Variants in LOXHD1 observed in about 807,000 individuals in gnomAD.
LOXHD1 encodes lipoxygenase homology PLAT domains 1, also known as lipoxygenase homology domain-containing protein 1.
In LOXHD1, 205 loss-of-function variants were observed where a neutral mutation model predicts 248.2. The observed-to-expected ratio is 0.83, with a 90% confidence interval of 0.74 to 0.93. The LOEUF is 0.93. LOXHD1 is among the 40% of genes least tolerant of loss of function. The pLI is 0.00. For missense variants in LOXHD1, 2,930 were observed against 2,971.6 expected (o/e 0.99, Z 0.33); for synonymous variants, 1,113 against 1,162.8 (o/e 0.96, Z 0.87).
At chr18:46,587,300 G>A (rs1425508956) in intron 12 of LOXHD1, among the ~76,000 whole-genome samples, 3 of 152,230 alleles carry the variant, frequency 2.0e-5, no homozygotes, top group Non-Finnish European at 2.9e-5. Context: ...ACATGACACA[G>A]CAGGGAAGGA....
chr18:46,549,787 AT>A (rs1330895524), intron 21 of LOXHD1, among the ~76,000 whole-genome samples: 1 of 152,244 alleles, frequency 6.6e-6, no homozygotes, highest in African/African-American at 2.4e-5. Flanking sequence ...TCTGTCTTTA[AT>A]TATTAAGGAT....
rs1261331072 is a variant in LOXHD1 at position 46,547,207 on chromosome 18, C to A, written c.3351-149G>T. ...AGCATTGCCCTGCTATTCTACCCAG[C>A]CTGGGAATCACTCCATTAGTCATTT... On this transcript the variant is annotated intron_variant, in intron 21 of 40. Transcript: ENST00000642948. 6.6e-6 allele frequency: 6 copies of A among 913,932 alleles called. No homozygotes were observed. The Admixed American group carries it at 6.6e-5, about 10-fold the overall frequency. The allele number at this position is 913,932 out of a possible 1,614,324, so 56.6% of individuals were successfully genotyped here. A position where few individuals can be genotyped will look rare whatever the true frequency, so the allele number is the denominator to read the frequency against.
intron 37 of LOXHD1, among the ~76,000 whole-genome samples, chr18:46,501,631 T>C (rs1391541254): frequency 2.0e-5 from 3 of 152,204 alleles, no homozygotes; most frequent in Admixed American, 1.3e-4. Flanking sequence ...AGGTTATCTA[T>C]TGATCAGTTG....
chr18:46,541,848 T>C lies in LOXHD1; in HGVS notation c.3841A>G (p.Lys1281Glu). ...ATGATGGACCCGTCGTCTTCGTTTT[T>C]GGCCAGCCAGCGGCCACAGGGAAAC... ...MTFPCGRWLA[K>E]NEDDGSIIRD... is the part of the protein sequence containing the mutation. The change falls in exon 25 of 41, where the codon AAA becomes GAA. Residue 1281 changes from lysine (K) to glutamate (E), a missense_variant. Lys to Glu is a moderately conservative substitution (Grantham distance 56). Coordinates refer to ENST00000642948, the MANE Select transcript of LOXHD1 (RefSeq NM_001384474.1). The C allele has an allele frequency of 1.3e-6, 2 of 1,551,728 alleles. No individual in the cohort carries two copies. The highest frequency in any genetic ancestry group is 1.7e-6 in the Non-Finnish European group (2 of 1,147,014).
At chr18:46,523,274 C>T (rs1191909203) in intron 31 of LOXHD1, among the ~76,000 whole-genome samples, 1 of 152,160 alleles carries the variant, frequency 6.6e-6, no homozygotes, top group Non-Finnish European at 1.5e-5. Flanking sequence ...AGGTCTGACT[C>T]AACTGGGAGG....
chr18:46,546,847 C>A, intron 22 of LOXHD1, 48 bp downstream of exon 22: 2 of 1,521,210 alleles, frequency 1.3e-6, no homozygotes, highest in South Asian at 1.3e-5. Context: ...TAGGGAGAGG[C>A]AGAGGGGAGG....
At chr18:46,595,762 G>A (rs968078531) in intron 8 of LOXHD1, among the ~76,000 whole-genome samples, 12 of 152,186 alleles carry the variant, frequency 7.9e-5, no homozygotes, top group African/African-American at 2.9e-4. Flanking sequence ...GAGGGCACAG[G>A]AGGGTATAAT....
chr18:46,643,852 AT>A (rs969070170), intron 2 of LOXHD1, among the ~76,000 whole-genome samples: 2 of 152,226 alleles, frequency 1.3e-5, no homozygotes, highest in African/African-American at 2.4e-5. Flanking sequence ...GTAAAAAAAA[AT>A]ACTTAATGAA....
intron 13 of LOXHD1, among the ~76,000 whole-genome samples, chr18:46,578,938 G>A (rs1276049739): frequency 6.6e-6 from 1 of 152,210 alleles, no homozygotes; most frequent in Non-Finnish European, 1.5e-5. Flanking sequence ...CCTCAAACTT[G>A]CCTAGCTCTT....
chr18:46,646,792 T>A (rs2039036273), intron 2 of LOXHD1, among the ~76,000 whole-genome samples: 2 of 152,258 alleles, frequency 1.3e-5, no homozygotes, highest in South Asian at 4.1e-4. Context: ...ATTAAGTGTC[T>A]GTCCCTTTAA....
intron 31 of LOXHD1, among the ~76,000 whole-genome samples, chr18:46,524,220 T>C (rs934059872): frequency 3.9e-5 from 6 of 152,228 alleles, no homozygotes; most frequent in African/African-American, 1.4e-4. Flanking sequence ...GTAAGGGATG[T>C]TCATTCTCAC....
At position 46,566,296 on chromosome 18, in the gene LOXHD1, C is replaced by T; in HGVS notation, c.2398G>A (p.Val800Met). ...DKNQADGRLE[V>M]ELYPSEVVEI... ...ACCACCTCGCTGGGATACAGCTCCA[C>T]CTCCAGGCGCCCGTCAGCCTGGTTC... Residue 800 changes from valine to methionine, a missense_variant, in exon 17 of 41, where the codon GTG (valine) becomes ATG (methionine). Val to Met is a conservative substitution (Grantham distance 21). Coordinates refer to ENST00000642948, the MANE Select transcript of LOXHD1 (RefSeq NM_001384474.1). 6.4e-7 allele frequency: 1 copy of T among 1,551,842 alleles called. No individual in the cohort carries two copies. The highest frequency in any genetic ancestry group is 1.2e-5 in the South Asian group (1 of 84,058).
At chr18:46,485,929 T>C (rs1214259696) in intron 38 of LOXHD1, among the ~76,000 whole-genome samples, 1 of 151,930 alleles carries the variant, frequency 6.6e-6, no homozygotes, top group Admixed American at 6.6e-5. Flanking sequence ...TCCCTAGAGC[T>C]CTGCAATGCT....
chr18:46,577,853 A>G lies in LOXHD1; in HGVS notation c.1824T>C (p.Thr608=), dbSNP rs747962021. The change falls in exon 14 of 41, where the codon ACT becomes ACC. Residue 608 remains threonine (T), a synonymous_variant. Transcript: ENST00000642948. ...LFEKGNADEF[T]IESVTMRNVR... ...CATTCCGCATGGTGACAGACTCGAT[A>G]GTGAACTCGTCAGCCTTGTGGGGGG... The G allele has an allele frequency of 1.3e-6, 2 of 1,551,568 alleles. No individual in the cohort carries two copies. Among genetic ancestry groups the G allele is most frequent in the Non-Finnish European group, 1.7e-6 (2 of 1,146,998 alleles).
intron 16 of LOXHD1, among the ~76,000 whole-genome samples, chr18:46,568,201 T>C (rs1207662974): frequency 1.3e-5 from 2 of 152,122 alleles, no homozygotes; most frequent in African/African-American, 4.8e-5. Context: ...AAGATGAGGT[T>C]CCAGGTAGAG....
At chr18:46,624,568 C>A (rs1476511895) in intron 4 of LOXHD1, among the ~76,000 whole-genome samples, 3 of 152,308 alleles carry the variant, frequency 2.0e-5, no homozygotes, top group African/African-American at 7.2e-5. Context: ...CCTCTTCCTT[C>A]GTCAGGCCTG....
intron 8 of LOXHD1, among the ~76,000 whole-genome samples, chr18:46,601,007 T>C (rs1213525049): frequency 6.6e-6 from 1 of 152,172 alleles, no homozygotes; most frequent in Non-Finnish European, 1.5e-5. Flanking sequence ...TGCTTGGCCC[T>C]TGGACGCTTG....
chr18:46,604,638 C>T (rs2038386753), intron 6 of LOXHD1, among the ~76,000 whole-genome samples: 1 of 152,164 alleles, frequency 6.6e-6, no homozygotes, highest in African/African-American at 2.4e-5. Flanking sequence ...AAGCAGAGCC[C>T]AGGCAAGGGG....
At chr18:46,651,086 T>C (rs922821610) in intron 1 of LOXHD1, among the ~76,000 whole-genome samples, 2 of 152,246 alleles carry the variant, frequency 1.3e-5, no homozygotes, top group East Asian at 1.9e-4. Context: ...TTTGTTCTTT[T>C]GGCAGATTAG....
Sources: allele counts gnomAD v4.1 joint callset (sites outside exome capture counted in the v4.1 genomes callset), GRCh38; gene constraint gnomAD v4.1.1; transcripts MANE v1.5; gene names NCBI Gene and HGNC (gene_info 2026-07-23, HGNC 2026-07-21).